Variants in ENOX2 observed in about 807,000 individuals in gnomAD.
ENOX2 encodes ecto-NOX disulfide-thiol exchanger 2, also known as APK1 antigen.
A neutral mutation model predicts 45.0 loss-of-function variants in ENOX2; 36 were observed. The ratio of observed to expected loss-of-function variants is 0.80; its 90% CI spans 0.61 to 1.06. The LOEUF (loss-of-function observed/expected upper bound fraction) is 1.06. Among genes scored for constraint, ENOX2 ranks in the 50% least tolerant of loss-of-function variants. The pLI, the probability that ENOX2 is intolerant of heterozygous loss-of-function variation, is 0.00. For missense variants in ENOX2, 423 were observed against 462.5 expected, an observed-to-expected ratio of 0.91 and a Z score of 0.78; for synonymous variants, 174 against 152.3, an observed-to-expected ratio of 1.14 and a Z score of -1.05.
At chrX:130,712,883 G>A (rs2038229825) in intron 3 of ENOX2, among the ~76,000 whole-genome samples, 1 of 111,608 alleles carries the variant, frequency 9.0e-6, no homozygotes, top group Non-Finnish European at 1.9e-5. Flanking sequence ...TTCTTCTGAG[G>A]AGGCAAGAAC....
At chrX:130,646,588 C>G (rs1313460213) in intron 10 of ENOX2, among the ~76,000 whole-genome samples, 4 of 112,479 alleles carry the variant, frequency 3.6e-5, no homozygotes, top group African/African-American at 1.3e-4. Context: ...AGGCCAGGCT[C>G]ATGGCAGTGT....
chrX:130,632,374 G>GGGGC (rs1556405829), intron 12 of ENOX2, among the ~76,000 whole-genome samples: 1 of 54,472 alleles, frequency 1.8e-5, no homozygotes, highest in East Asian at 7.0e-4. Flanking sequence ...CGGGGGGGGG[G>GGGGC]GGTGGTCCTA....
intron 9 of ENOX2, among the ~76,000 whole-genome samples, chrX:130,662,822 AC>A (rs2036727685): frequency 8.9e-6 from 1 of 112,512 alleles, no homozygotes; most frequent in Non-Finnish European, 1.9e-5. Context: ...CTGGTGTAGT[AC>A]TGAACAAGAT....
At chrX:130,730,249 A>G (rs777990297) in intron 3 of ENOX2, among the ~76,000 whole-genome samples, 2 of 112,464 alleles carry the variant, frequency 1.8e-5, no homozygotes, top group Non-Finnish European at 3.8e-5. Flanking sequence ...TTTATACTGC[A>G]GTAGCTGGTG....
chrX:130,840,672 G>A (rs1316713413), intron 2 of ENOX2, among the ~76,000 whole-genome samples: 1 of 110,714 alleles, frequency 9.0e-6, no homozygotes, highest in Non-Finnish European at 1.9e-5. Flanking sequence ...TTCAAGACCA[G>A]CCTGAGCAAT....
intron 12 of ENOX2, among the ~76,000 whole-genome samples, chrX:130,632,947 G>A (rs146836767): frequency 4.0e-4 from 45 of 112,190 alleles, no homozygotes; most frequent in East Asian, 3.3e-3. Context: ...ACGGTAAGCC[G>A]TTTCTTAAGT....
At chrX:130,664,279 G>A (rs1200362587) in intron 9 of ENOX2, among the ~76,000 whole-genome samples, 2 of 112,078 alleles carry the variant, frequency 1.8e-5, no homozygotes, top group Non-Finnish European at 3.8e-5. Flanking sequence ...ATGTATTCTC[G>A]TGAAGGACAG....
intron 2 of ENOX2, among the ~76,000 whole-genome samples, chrX:130,834,512 A>G (rs1213205455): frequency 9.0e-6 from 1 of 111,080 alleles, no homozygotes; most frequent in Non-Finnish European, 1.9e-5. Context: ...AGCTGGGAAT[A>G]TAACAAAGCA....
At chrX:130,688,391 C>T (rs978933757) in intron 5 of ENOX2, among the ~76,000 whole-genome samples, 2 of 111,703 alleles carry the variant, frequency 1.8e-5, no homozygotes, top group African/African-American at 3.3e-5. Flanking sequence ...TATGTTGAGC[C>T]ATGCCTCACT....
intron 3 of ENOX2, among the ~76,000 whole-genome samples, chrX:130,716,651 G>A (rs1223268437): frequency 8.9e-6 from 1 of 111,861 alleles, no homozygotes; most frequent in Non-Finnish European, 1.9e-5. Context: ...CCGCTGTATC[G>A]GCATACTCCA....
At chrX:130,722,030 T>C (rs2038491844) in intron 3 of ENOX2, among the ~76,000 whole-genome samples, 1 of 111,754 alleles carries the variant, frequency 8.9e-6, no homozygotes, top group African/African-American at 3.3e-5. Context: ...TCCAGGAGTA[T>C]AAATGGCACA....
chrX:130,656,475 C>T (rs141451588), intron 10 of ENOX2, 106 bp downstream of exon 10: 9,494 of 498,809 alleles, frequency 0.019, 106 homozygotes, highest in Non-Finnish European at 0.021. Context: ...TAGCTGGTAT[C>T]CAGGCTGATA....
chrX:130,676,121 T>A (rs887121773), intron 6 of ENOX2, among the ~76,000 whole-genome samples: 3 of 111,698 alleles, frequency 2.7e-5, no homozygotes, highest in Non-Finnish European at 3.8e-5. Flanking sequence ...TACCAATGAT[T>A]ACCTTGCCTA....
chrX:130,841,805 T>C (rs1248649652), intron 2 of ENOX2, among the ~76,000 whole-genome samples: 1 of 111,824 alleles, frequency 8.9e-6, no homozygotes, highest in Non-Finnish European at 1.9e-5. Flanking sequence ...CTAGAATACA[T>C]CAAGAAGAAG....
At chrX:130,855,979 T>C (rs1195290924) in intron 2 of ENOX2, among the ~76,000 whole-genome samples, 2 of 111,682 alleles carry the variant, frequency 1.8e-5, no homozygotes, top group Non-Finnish European at 3.8e-5. Flanking sequence ...ATACTCAACA[T>C]CACTAGCCCT....
intron 2 of ENOX2, among the ~76,000 whole-genome samples, chrX:130,797,176 A>G (rs2077144794): frequency 1.8e-5 from 2 of 112,067 alleles, no homozygotes; most frequent in African/African-American, 6.5e-5. Context: ...CTTAACACCT[A>G]AGAGTTCTAG....
chrX:130,745,768 G>A (rs2039084728), intron 3 of ENOX2, among the ~76,000 whole-genome samples: 2 of 111,846 alleles, frequency 1.8e-5, no homozygotes, highest in Admixed American at 1.9e-4. Context: ...CTTAATGAAG[G>A]TTGTAAAGCA....
chrX:130,715,300 C>T (rs1310469250), intron 3 of ENOX2, among the ~76,000 whole-genome samples: 4 of 111,596 alleles, frequency 3.6e-5, no homozygotes, highest in Non-Finnish European at 7.5e-5. Context: ...ATAATGGGAC[C>T]TTTGGCTGAA....
intron 3 of ENOX2, among the ~76,000 whole-genome samples, chrX:130,771,545 G>A (rs184704794): frequency 1.8e-5 from 2 of 112,003 alleles, no homozygotes; most frequent in East Asian, 5.6e-4. Flanking sequence ...TAAACCACCA[G>A]TAAGTTTTTT....
Sources: allele counts gnomAD v4.1 joint callset (sites outside exome capture counted in the v4.1 genomes callset), GRCh38; gene constraint gnomAD v4.1.1; transcripts MANE v1.5; gene names NCBI Gene and HGNC (gene_info 2026-07-23, HGNC 2026-07-21).